TCF20: variants seen among roughly 807,000 people sequenced by gnomAD.
TCF20 encodes SPRE-binding protein.
In TCF20, 3 loss-of-function variants were observed where a neutral mutation model predicts 148.6. That is an observed-to-expected ratio of 0.02 (90% CI 0.01 to 0.05). The LOEUF is 0.05. Among genes scored for constraint, TCF20 ranks in the 10% least tolerant of loss-of-function variants. The pLI is 1.00. For missense variants in TCF20, 2,350 were observed against 2,429.3 expected, an observed-to-expected ratio of 0.97 and a Z score of 0.69; for synonymous variants, 1,049 against 909.5, an observed-to-expected ratio of 1.15 and a Z score of -2.76.
chr22:42,307,380 T>C (rs1337011226), intron 1 of TCF20, among the ~76,000 whole-genome samples: 1 of 152,224 alleles, frequency 6.6e-6, no homozygotes, highest in Non-Finnish European at 1.5e-5. Flanking sequence ...AGGGTGACTT[T>C]GGAGCCACTG....
intron 1 of TCF20, among the ~76,000 whole-genome samples, chr22:42,228,865 TA>T (rs571577010): frequency 6.6e-6 from 1 of 151,164 alleles, no homozygotes; most frequent in African/African-American, 2.4e-5. Context: ...GAACAGCACT[TA>T]AAAAAAAATG....
chr22:42,316,903 C>T (rs867896451), intron 1 of TCF20, among the ~76,000 whole-genome samples: 8 of 152,222 alleles, frequency 5.3e-5, no homozygotes, highest in African/African-American at 1.9e-4. Context: ...CACTTCACTC[C>T]AGCCAAGCGT....
intron 2 of TCF20, among the ~76,000 whole-genome samples, chr22:42,188,175 T>A (rs1318172356): frequency 6.6e-6 from 1 of 150,974 alleles, no homozygotes; most frequent in Non-Finnish European, 1.5e-5. Flanking sequence ...ATGGCTGTAA[T>A]CCCAGCTACT....
chr22:42,165,314 T>C (rs992550855), intron 5 of TCF20, among the ~76,000 whole-genome samples: 6 of 152,262 alleles, frequency 3.9e-5, no homozygotes, highest in African/African-American at 1.4e-4. Context: ...ATGGCTGTTC[T>C]GTGCAGGGTA....
rs776371809 is a variant in TCF20 at position 42,212,877 on chromosome 22, G to A, written c.2429C>T (p.Ser810Phe). Reference protein sequence around the residue: ...SRGLLNKSIGSLLENPHWGPW... With the variant: ...SRGLLNKSIGFLLENPHWGPW... ...GCCCCAGTGGGGATTTTCTAATAGA[G>A]ACCCAATGCTTTTGTTCAGAAGGCC... The change falls in exon 2 of 6, where the codon TCT becomes TTT. Residue 810 changes from serine (S) to phenylalanine (F), a missense_variant. Around this residue, in one of 7 missense-constraint regions of TCF20, gnomAD observed 1,641 missense variants for 1,662.6 expected, o/e 0.99. Coordinates refer to ENST00000677622, the MANE Select transcript of TCF20 (RefSeq NM_001378418.1). 6.2e-7 allele frequency: 1 copy of A among 1,614,070 alleles called. No homozygotes were observed. The highest frequency in any genetic ancestry group is 1.3e-5 in the African/African-American group (1 of 74,926).
At chr22:42,225,620 C>CAAAAAAAAAAAA (rs57952215) in intron 1 of TCF20, among the ~76,000 whole-genome samples, 4 of 74,806 alleles carry the variant, frequency 5.3e-5, no homozygotes, top group African/African-American at 1.9e-4. Context: ...GACTCCGTCT[C>CAAAAAAAAAAAA]AAAAAAAAAA....
At position 42,212,230 on chromosome 22, in the gene TCF20, G is replaced by A. The variant is rs781737904; in HGVS notation, c.3076C>T (p.Pro1026Ser). The change falls in exon 2 of 6, where the codon CCA becomes TCA. Residue 1026 changes from proline (P) to serine (S), a missense_variant. Pro to Ser is a moderately conservative substitution (Grantham distance 74, BLOSUM62 -1). This residue lies in a region of TCF20 where 1,641 missense variants were observed against 1,662.6 expected (regional missense o/e 0.99). Transcript: ENST00000677622. ...LKMSPGRSRG[P>S]GGDPHHMNPH... ...TTCATGTGATGAGGGTCTCCCCCTG[G>A]GCCTCTGCTCCGCCCAGGAGACATT... 3 of 1,613,986 alleles carry A rather than the reference G, an allele frequency of 1.9e-6. No individual in the cohort carries two copies. In the Admixed American group the frequency reaches 5.0e-5, roughly 27 times the overall value.
chr22:42,273,110 C>T (rs1296745459), upstream of TCF20, among the ~76,000 whole-genome samples: 1 of 150,510 alleles, frequency 6.6e-6, no homozygotes, highest in Non-Finnish European at 1.5e-5. Context: ...CCTGTAATCC[C>T]AGCACTTGGG....
intron 1 of TCF20, among the ~76,000 whole-genome samples, chr22:42,251,492 CTTTT>C (rs71184878): frequency 5.5e-4 from 26 of 47,022 alleles, no homozygotes; most frequent in South Asian, 2.2e-3. Context: ...AAACAAGTGT[CTTTT>C]TTTTTTTTTT....
At chr22:42,322,663 C>T (rs1175527792) in intron 1 of TCF20, among the ~76,000 whole-genome samples, 1 of 151,674 alleles carries the variant, frequency 6.6e-6, no homozygotes, top group African/African-American at 2.4e-5. Context: ...AGTGAGCAAG[C>T]GCCTGAGTGA....
At chr22:42,277,896 GGTCTTCAGCTTCATC>G (rs1297204679) in intron 1 of TCF20, among the ~76,000 whole-genome samples, 4 of 152,200 alleles carry the variant, frequency 2.6e-5, no homozygotes, top group Admixed American at 1.3e-4. Context: ...GCTGACCTCT[GGTCTTCAGCTTCATC>G]CTCATCAGCC....
chr22:42,221,708 T>C (rs1601615803), intron 1 of TCF20, among the ~76,000 whole-genome samples: 1 of 151,206 alleles, frequency 6.6e-6, no homozygotes, highest in South Asian at 2.1e-4. Flanking sequence ...GGATGTGGGG[T>C]CTATAGGGCT....
At chr22:42,266,267 G>T (rs1601679789) in intron 1 of TCF20, among the ~76,000 whole-genome samples, 2 of 152,092 alleles carry the variant, frequency 1.3e-5, no homozygotes, top group African/African-American at 4.8e-5. Flanking sequence ...GGAAAGGAAA[G>T]GTCATCTATC....
chr22:42,315,056 GT>G (rs1927604766), intron 1 of TCF20, among the ~76,000 whole-genome samples: 1 of 152,130 alleles, frequency 6.6e-6, no homozygotes, highest in Non-Finnish European at 1.5e-5. Flanking sequence ...CACAAAGCCA[GT>G]TTTCACACAA....
chr22:42,322,914 C>T (rs1272894160), intron 1 of TCF20, among the ~76,000 whole-genome samples: 2 of 149,526 alleles, frequency 1.3e-5, no homozygotes, highest in Non-Finnish European at 3.0e-5. Context: ...GTTTGTTTTT[C>T]GTTTTTTTTG....
intron 1 of TCF20, among the ~76,000 whole-genome samples, chr22:42,253,792 A>C (rs1226258581): frequency 6.6e-6 from 1 of 152,156 alleles, no homozygotes; most frequent in Non-Finnish European, 1.5e-5. Context: ...AAAGTAACTG[A>C]AGAGGCCGGG....
intron 1 of TCF20, among the ~76,000 whole-genome samples, chr22:42,335,825 G>A (rs372302700): frequency 3.3e-5 from 5 of 152,040 alleles, no homozygotes; most frequent in African/African-American, 1.2e-4. Flanking sequence ...GGGTGGGGGT[G>A]CCCCAGCACT....
At chr22:42,289,521 T>C (rs1253969934) in intron 1 of TCF20, among the ~76,000 whole-genome samples, 1 of 152,186 alleles carries the variant, frequency 6.6e-6, no homozygotes, top group Non-Finnish European at 1.5e-5. Context: ...GACTTTCCCC[T>C]GAGATGGCAA....
At position 42,310,811 on chromosome 22, in the gene TCF20, A is replaced by C. The variant is rs1049381843; in HGVS notation, c.-37+32668T>G. Among the ~76,000 whole-genome samples, 183 of 152,178 alleles carry C rather than the reference A, an allele frequency of 1.2e-3. 1 individual carries two copies. The highest frequency in any genetic ancestry group is 7.4e-5 in the Non-Finnish European group (5 of 68,026). ...CCCCAACAGGTGGATCTGTGGTTTA[A>C]GGAGGCCACTCTGAGAGCCCAGGAG... is the stretch of plus-strand genomic sequence containing the variant. On this transcript the variant is annotated intron_variant, in intron 1 of 1. Coordinates refer to the TCF20 transcript ENST00000515426.
Sources: gnomAD v4.1 joint callset for allele counts (sites outside exome capture counted in the v4.1 genomes callset) on GRCh38, gnomAD v4.1.1 for gene constraint, gnomAD v4.1.1 regional missense constraint, MANE v1.5 for transcripts, NCBI Gene and HGNC (gene_info 2026-07-23, HGNC 2026-07-21) for gene names.